The following SNX8 variants were observed in gnomAD, a reference collection of about 807,000 sequenced individuals.
SNX8 encodes sorting nexin 8.
Under a neutral mutation model 51.6 loss-of-function variants are expected in SNX8, and 25 were observed. That is an observed-to-expected ratio of 0.48 (90% confidence interval 0.35 to 0.68). The LOEUF (loss-of-function observed/expected upper bound fraction) is 0.68, where lower values mean the gene tolerates loss of function less well. Ranked by LOEUF, SNX8 falls within the 30% of genes least tolerant of loss-of-function variation. The pLI is 0.00. For missense variants in SNX8, 695 were observed against 624.0 expected (o/e 1.11, Z -1.21); for synonymous variants, 324 against 277.0 (o/e 1.17, Z -1.68).
At chr7:2,314,476 G>T, upstream of SNX8, 1 of 1,182,022 alleles carries the variant, frequency 8.5e-7, no homozygotes, top group Non-Finnish European at 1.0e-6. Context: ...GCGCAGCCCT[G>T]CCGCGCCGCG....
Position 2,269,479 on chromosome 7 carries a change from C to T in SNX8, c.621+80G>A, listed in dbSNP as rs570423419. The T allele has an allele frequency of 7.7e-4, 581 of 754,930 alleles. 5 individuals carry two copies. The African/African-American group carries it at 9.5e-3, about 12-fold the overall frequency. 46.8% of individuals were successfully genotyped at this position (754,930 alleles called of 1,614,324 possible). A position where few individuals can be genotyped will look rare whatever the true frequency, so the allele number is the denominator to read the frequency against. On this transcript the variant is annotated intron_variant, in intron 5 of 10. Transcript: ENST00000222990. The stretch of plus-strand genomic sequence containing the variant: ...ATTGTCCCATGACCCTGCCAAATCC[C>T]CCTCTGCGAGAAACACCCAAGAATG...
intron 3 of SNX8, among the ~76,000 whole-genome samples, chr7:2,272,933 A>G (rs4721534): frequency 0.28 from 43,234 of 151,826 alleles, 7,660 homozygotes; most frequent in East Asian, 0.52. Flanking sequence ...TCCCAGGTTC[A>G]AGCGATTCTC....
intron 1 of SNX8, among the ~76,000 whole-genome samples, chr7:2,323,308 C>T (rs886903339): frequency 1.1e-4 from 13 of 123,442 alleles, no homozygotes; most frequent in Non-Finnish European, 1.6e-4. Context: ...CCAGCCAGGG[C>T]GACAGAGTGA....
rs767475431 is a variant in SNX8 at position 2,271,865 on chromosome 7, C to T, written c.525G>A (p.Leu175=). 4.3e-6 allele frequency: 7 copies of T among 1,611,148 alleles called. No individual in the cohort carries two copies. Among genetic ancestry groups the T allele is most frequent in the Non-Finnish European group, 5.9e-6 (7 of 1,178,892 alleles). The change falls in exon 4 of 11, where the codon CTG becomes CTA. Residue 175 remains leucine (L), a synonymous_variant. Coordinates refer to ENST00000222990, the MANE Select transcript of SNX8 (RefSeq NM_013321.4). ...ACACACTCACCGAGCCGCTGAAGGA[C>T]AGGAAGAGCTTGAGGACCACATCCT... The part of the protein sequence containing the change: ...FSEDVVLKLF[L]SFSGSDVQNK...
intron 7 of SNX8, among the ~76,000 whole-genome samples, chr7:2,259,161 G>A (rs893512102): frequency 2.0e-5 from 3 of 152,194 alleles, no homozygotes; most frequent in Non-Finnish European, 4.4e-5. Context: ...CAGGGGTCTG[G>A]GGAAGGCAGC....
At chr7:2,280,506 T>C (rs1225986704) in intron 1 of SNX8, among the ~76,000 whole-genome samples, 3 of 151,844 alleles carry the variant, frequency 2.0e-5, no homozygotes, top group African/African-American at 7.3e-5. Context: ...AAAATAAGTG[T>C]TCTCTATTAA....
chr7:2,291,395 C>G (rs1004580891), intron 1 of SNX8, among the ~76,000 whole-genome samples: 1 of 151,976 alleles, frequency 6.6e-6, no homozygotes, highest in African/African-American at 2.4e-5. Flanking sequence ...CTCAGGAGTT[C>G]GAGACCAGCA....
At chr7:2,286,259 G>A (rs1419857493) in intron 1 of SNX8, among the ~76,000 whole-genome samples, 2 of 151,058 alleles carry the variant, frequency 1.3e-5, no homozygotes, top group African/African-American at 4.9e-5. Flanking sequence ...TGATCCGCCT[G>A]CCTCGGCCTC....
At chr7:2,296,903 C>A (rs28697887) in intron 1 of SNX8, among the ~76,000 whole-genome samples, 4,628 of 151,906 alleles carry the variant, frequency 0.03, 297 homozygotes, top group African/African-American at 0.1. Flanking sequence ...GCACTCCAGC[C>A]TGGGCAACAA....
chr7:2,352,790 C>A (rs1019838514), intron 1 of SNX8, among the ~76,000 whole-genome samples: 1 of 151,698 alleles, frequency 6.6e-6, no homozygotes, highest in Non-Finnish European at 1.5e-5. Context: ...GAGCCGAGAT[C>A]GTGCCACTGC....
chr7:2,258,685 G>T (rs913703968), intron 7 of SNX8, among the ~76,000 whole-genome samples: 2 of 152,174 alleles, frequency 1.3e-5, no homozygotes, highest in Admixed American at 6.5e-5. Context: ...CTGCAGGAAG[G>T]ACGTGCTGCT....
intron 1 of SNX8, among the ~76,000 whole-genome samples, chr7:2,323,637 A>G (rs969884607): frequency 2.6e-5 from 4 of 152,180 alleles, no homozygotes; most frequent in African/African-American, 9.7e-5. Context: ...AGTAAGACTC[A>G]TTGCTGTTCA....
intron 1 of SNX8, among the ~76,000 whole-genome samples, chr7:2,328,913 G>C (rs1019344533): frequency 6.6e-6 from 1 of 151,992 alleles, no homozygotes; most frequent in African/African-American, 2.4e-5. Context: ...GTGAAACCCC[G>C]TCTCTACTAA....
At chr7:2,262,763 C>T (rs1746366456) in intron 7 of SNX8, among the ~76,000 whole-genome samples, 1 of 152,226 alleles carries the variant, frequency 6.6e-6, no homozygotes, top group Non-Finnish European at 1.5e-5. Flanking sequence ...AGGGAGCCAC[C>T]AGGAACAGAT....
At chr7:2,312,821 A>C (rs1796684076) in intron 1 of SNX8, among the ~76,000 whole-genome samples, 1 of 151,970 alleles carries the variant, frequency 6.6e-6, no homozygotes, top group Non-Finnish European at 1.5e-5. Flanking sequence ...TCTGGCAGCT[A>C]GGACCACAGG....
chr7:2,352,576 T>C (rs1349657822), intron 1 of SNX8, among the ~76,000 whole-genome samples: 2 of 152,104 alleles, frequency 1.3e-5, no homozygotes, highest in Non-Finnish European at 2.9e-5. Flanking sequence ...CTCACACCTG[T>C]AATCCCAGCA....
intron 1 of SNX8, among the ~76,000 whole-genome samples, chr7:2,287,240 A>G (rs931544912): frequency 2.3e-5 from 3 of 133,180 alleles, no homozygotes; most frequent in African/African-American, 7.6e-5. Flanking sequence ...TGGGCAACAG[A>G]GCAAGACTCT....
intron 1 of SNX8, among the ~76,000 whole-genome samples, chr7:2,331,057 G>T (rs371421362): frequency 6.6e-6 from 1 of 151,500 alleles, no homozygotes; most frequent in African/African-American, 2.4e-5. Context: ...ATGGTGGCAG[G>T]CACCTGTAAT....
rs201523051 is a variant in SNX8 at position 2,326,680 on chromosome 7, ATAAT to A, written c.-66+27538_-66+27541del. Among the ~76,000 whole-genome samples the A allele has an allele frequency of 7.5e-3, 1,139 of 152,254 alleles. 10 individuals are homozygous for A. The highest frequency in any genetic ancestry group is 0.01 in the Non-Finnish European group (710 of 68,036). ...CACTCCATCTCAAAAAAAAATAATAATAATTAATTGAATTAAATAAATTAAAGGG... is the reference window on the plus strand; with the variant it reads ...CACTCCATCTCAAAAAAAAATAATAATAATTGAATTAAATAAATTAAAGGG... On this transcript the variant is annotated intron_variant, in intron 1 of 5. Coordinates refer to the SNX8 transcript ENST00000435336.
Sources: allele counts gnomAD v4.1 joint callset (sites outside exome capture counted in the v4.1 genomes callset), GRCh38; gene constraint gnomAD v4.1.1; transcripts MANE v1.5; gene names NCBI Gene and HGNC (gene_info 2026-07-23, HGNC 2026-07-21).